The following OXCT1 variants were observed in gnomAD, a reference collection of about 807,000 sequenced individuals.
The protein encoded by OXCT1 is 3-oxoacid CoA-transferase 1.
A neutral mutation model predicts 69.6 loss-of-function variants in OXCT1; 27 were observed. That is an observed-to-expected ratio of 0.39 (90% CI 0.29 to 0.54). OXCT1 has a LOEUF of 0.54. Among genes scored for constraint, OXCT1 ranks in the 20% least tolerant of loss-of-function variants. OXCT1 has a pLI of 0.72. For missense variants in OXCT1, 437 were observed against 650.2 expected (o/e 0.67, Z 3.57); for synonymous variants, 202 against 217.8 (o/e 0.93, Z 0.64).
intron 7 of OXCT1, among the ~76,000 whole-genome samples, chr5:41,826,337 T>A (rs11747921): frequency 0.24 from 37,090 of 152,070 alleles, 4,776 homozygotes; most frequent in Middle Eastern, 0.34. Context: ...CAGGGAAAGG[T>A]TACAGAGGAT....
intron 7 of OXCT1, among the ~76,000 whole-genome samples, chr5:41,839,983 A>T (rs1748548843): frequency 6.6e-6 from 1 of 152,200 alleles, no homozygotes; most frequent in Non-Finnish European, 1.5e-5. Flanking sequence ...AAACACTGAG[A>T]TACCCAAAGG....
chr5:41,785,875 G>A (rs1745617032), intron 13 of OXCT1, among the ~76,000 whole-genome samples: 1 of 152,196 alleles, frequency 6.6e-6, no homozygotes, highest in African/African-American at 2.4e-5. Context: ...TATGCCTGCT[G>A]CTCACTCCAT....
intron 13 of OXCT1, among the ~76,000 whole-genome samples, chr5:41,780,635 T>C (rs1410438465): frequency 6.6e-6 from 1 of 152,160 alleles, no homozygotes; most frequent in Non-Finnish European, 1.5e-5. Context: ...TTTAGTAAAA[T>C]GAATAGGTAT....
intron 15 of OXCT1, 28 bp downstream of exon 15, chr5:41,749,499 T>A: frequency 7.0e-7 from 1 of 1,437,258 alleles, no homozygotes; most frequent in Non-Finnish European, 9.8e-7. Context: ...ACTTAAAACA[T>A]GGTAATAGTA....
At chr5:41,844,660 T>C (rs1207081714) in intron 5 of OXCT1, among the ~76,000 whole-genome samples, 1 of 152,072 alleles carries the variant, frequency 6.6e-6, no homozygotes, top group Admixed American at 6.6e-5. Context: ...AAGCACCTCC[T>C]CTTGGAGTCT....
At chr5:41,794,588 C>T in intron 12 of OXCT1, 89 bp downstream of exon 12, 1 of 1,174,618 alleles carries the variant, frequency 8.5e-7, no homozygotes, top group Non-Finnish European at 1.3e-6. Flanking sequence ...GGAAATGTGG[C>T]TGTGTTTCAG....
chr5:41,856,575 C>T (rs561165347), intron 3 of OXCT1, among the ~76,000 whole-genome samples: 7 of 152,246 alleles, frequency 4.6e-5, no homozygotes, highest in African/African-American at 1.7e-4. Flanking sequence ...TTCCTACCCC[C>T]GGCACTCCTG....
intron 10 of OXCT1, among the ~76,000 whole-genome samples, 187 bp downstream of exon 10, chr5:41,802,882 G>T (rs1220303954): frequency 6.6e-6 from 1 of 152,070 alleles, no homozygotes. Context: ...CAACAACTCA[G>T]ATTTCACTAT....
intron 15 of OXCT1, among the ~76,000 whole-genome samples, chr5:41,740,707 C>T (rs929005422): frequency 6.6e-6 from 1 of 152,152 alleles, no homozygotes; most frequent in African/African-American, 2.4e-5. Context: ...CTTGCAGTGG[C>T]AGGAGGCTCA....
intron 14 of OXCT1, among the ~76,000 whole-genome samples, chr5:41,759,991 G>A (rs1472826142): frequency 6.6e-6 from 1 of 152,084 alleles, no homozygotes; most frequent in African/African-American, 2.4e-5. Context: ...GAAGTTACCT[G>A]GCATATCTAA....
chr5:41,760,296 T>A (rs1389212710), intron 14 of OXCT1, among the ~76,000 whole-genome samples: 1 of 152,124 alleles, frequency 6.6e-6, no homozygotes, highest in African/African-American at 2.4e-5. Flanking sequence ...CATAAGTACA[T>A]TGTTTTATTG....
At chr5:41,751,046 G>C (rs796762025) in intron 14 of OXCT1, among the ~76,000 whole-genome samples, 3 of 152,098 alleles carry the variant, frequency 2.0e-5, no homozygotes, top group Non-Finnish European at 4.4e-5. Context: ...TATAGTTGCA[G>C]AAATAAAGCT....
At chr5:41,858,357 A>T (rs1335468039) in intron 3 of OXCT1, among the ~76,000 whole-genome samples, 1 of 152,204 alleles carries the variant, frequency 6.6e-6, no homozygotes, top group Non-Finnish European at 1.5e-5. Flanking sequence ...AGAAAAATAG[A>T]TGTGATCTTT....
intron 5 of OXCT1, among the ~76,000 whole-genome samples, chr5:41,844,493 C>A (rs542227492): frequency 1.3e-5 from 2 of 152,126 alleles, no homozygotes; most frequent in Admixed American, 1.3e-4. Flanking sequence ...TCCCATTTCT[C>A]TTTGCTGCTC....
At chr5:41,756,709 G>T (rs1316487372) in intron 14 of OXCT1, among the ~76,000 whole-genome samples, 1 of 152,218 alleles carries the variant, frequency 6.6e-6, no homozygotes, top group East Asian at 1.9e-4. Context: ...GCTGAAGAAG[G>T]GGGAGAAAGG....
intron 13 of OXCT1, among the ~76,000 whole-genome samples, chr5:41,789,982 C>A (rs928578671): frequency 3.9e-5 from 6 of 152,076 alleles, no homozygotes; most frequent in Non-Finnish European, 8.8e-5. Context: ...ATGTAGCACA[C>A]AGGAGTATGA....
chr5:41,781,436 CT>C (rs938186751), intron 13 of OXCT1, among the ~76,000 whole-genome samples: 480 of 144,498 alleles, frequency 3.3e-3, no homozygotes, highest in African/African-American at 6.1e-3. Flanking sequence ...ACAGCTGCTG[CT>C]TTTTTTTTTT....
intron 15 of OXCT1, among the ~76,000 whole-genome samples, chr5:41,743,838 T>C: frequency 6.6e-6 from 1 of 152,214 alleles, no homozygotes; most frequent in East Asian, 1.9e-4. Context: ...CATTGGTCTA[T>C]ATCTCTGTTT....
At chr5:41,836,764 C>T (rs1265028085) in intron 7 of OXCT1, among the ~76,000 whole-genome samples, 1 of 152,160 alleles carries the variant, frequency 6.6e-6, no homozygotes, top group Non-Finnish European at 1.5e-5. Context: ...GTAATGCTCA[C>T]TCACCCACCA....
Sources: gnomAD v4.1 joint callset for allele counts (sites outside exome capture counted in the v4.1 genomes callset) on GRCh38, gnomAD v4.1.1 for gene constraint, MANE v1.5 for transcripts, NCBI Gene and HGNC (gene_info 2026-07-23, HGNC 2026-07-21) for gene names.